Variants in CADM2 observed in about 807,000 individuals in gnomAD.
The protein encoded by CADM2 is cell adhesion molecule 2, also known as immunoglobulin superfamily member 4D.
A neutral mutation model predicts 49.8 loss-of-function variants in CADM2; 12 were observed. That is an observed-to-expected ratio of 0.24 (90% CI 0.15 to 0.39). The LOEUF (loss-of-function observed/expected upper bound fraction) is 0.39. Ranked by LOEUF, CADM2 falls within the 10% of genes least tolerant of loss-of-function variation. The pLI, the probability that CADM2 is intolerant of heterozygous loss-of-function variation, is 1.00. For synonymous variants in CADM2, 214 were observed against 175.4 expected (o/e 1.22, Z -1.74); for missense variants, 378 against 492.3 (o/e 0.77, Z 2.20).
intron 8 of CADM2, among the ~76,000 whole-genome samples, chr3:85,968,598 C>G (rs1322490842): frequency 3.3e-5 from 5 of 151,634 alleles, no homozygotes; most frequent in African/African-American, 1.2e-4. Flanking sequence ...AAAATATTTT[C>G]TCAACTTATT....
At chr3:85,134,412 G>A (rs2039352954) in intron 1 of CADM2, among the ~76,000 whole-genome samples, 1 of 152,248 alleles carries the variant, frequency 6.6e-6, no homozygotes, top group Non-Finnish European at 1.5e-5. Flanking sequence ...CTGCCAGCAC[G>A]CTGTCACCTC....
At chr3:86,055,475 TTTTTG>T (rs1737831835) in intron 8 of CADM2, among the ~76,000 whole-genome samples, 1 of 136,292 alleles carries the variant, frequency 7.3e-6, no homozygotes, top group African/African-American at 2.9e-5. Context: ...TTTTTTTTTT[TTTTTG>T]GTTTTAGAGG....
chr3:85,059,511 T>C (rs1007243539), intron 1 of CADM2, among the ~76,000 whole-genome samples: 5 of 152,090 alleles, frequency 3.3e-5, no homozygotes, highest in Non-Finnish European at 7.4e-5. Flanking sequence ...TGGTGACAAA[T>C]ACAGTCATGT....
At chr3:85,543,420 A>ATGTGTGTGGGGGTGGGGGTGTG (rs372108050) in intron 1 of CADM2, among the ~76,000 whole-genome samples, 1 of 129,584 alleles carries the variant, frequency 7.7e-6, no homozygotes, top group Non-Finnish European at 1.7e-5. Context: ...TGCCAAGCTA[A>ATGTGTGTGGGGGTGGGGGTGTG]TGTGTGTGTG....
chr3:85,156,351 C>T (rs2040122412), intron 1 of CADM2, among the ~76,000 whole-genome samples: 2 of 152,044 alleles, frequency 1.3e-5, no homozygotes, highest in Admixed American at 6.6e-5. Context: ...AACACCTCTA[C>T]ACAAATAAAC....
At chr3:85,049,920 A>G (rs2035816934) in intron 1 of CADM2, among the ~76,000 whole-genome samples, 1 of 152,100 alleles carries the variant, frequency 6.6e-6, no homozygotes, top group African/African-American at 2.4e-5. Flanking sequence ...ATTTAATAGA[A>G]GTTCCCCACT....
chr3:85,574,788 C>A (rs1188486303), intron 1 of CADM2, among the ~76,000 whole-genome samples: 1 of 152,114 alleles, frequency 6.6e-6, no homozygotes, highest in Non-Finnish European at 1.5e-5. Flanking sequence ...AGGACTCTAT[C>A]AGTGCGTTGA....
At chr3:84,970,711 T>C (rs887192230) in intron 1 of CADM2, among the ~76,000 whole-genome samples, 1 of 152,016 alleles carries the variant, frequency 6.6e-6, no homozygotes, top group Admixed American at 6.6e-5. Context: ...CTTTATACAG[T>C]TGGTATTAAG....
chr3:85,550,312 C>A (rs1468022594), intron 1 of CADM2, among the ~76,000 whole-genome samples: 3 of 152,146 alleles, frequency 2.0e-5, no homozygotes, highest in African/African-American at 7.2e-5. Flanking sequence ...TAAAAATTTG[C>A]TCAAGTATTT....
At chr3:85,928,158 ATTTTTT>A (rs11328574) in intron 6 of CADM2, among the ~76,000 whole-genome samples, 1 of 130,636 alleles carries the variant, frequency 7.7e-6, no homozygotes, top group Admixed American at 8.0e-5. Context: ...TAAAAGAAGA[ATTTTTT>A]TTTTTTTTTT....
At chr3:85,630,210 C>T (rs907775234) in intron 1 of CADM2, among the ~76,000 whole-genome samples, 20 of 152,096 alleles carry the variant, frequency 1.3e-4, no homozygotes, top group Non-Finnish European at 2.5e-4. Flanking sequence ...TTCAAATGTT[C>T]TCTGGTTTGA....
At chr3:85,557,019 G>A (rs1053673288) in intron 1 of CADM2, among the ~76,000 whole-genome samples, 2 of 151,990 alleles carry the variant, frequency 1.3e-5, no homozygotes, top group African/African-American at 2.4e-5. Context: ...TCACTTTGTG[G>A]TAACCTTGTG....
Position 85,772,080 on chromosome 3 carries a change from T to C in CADM2, c.89-29967T>C, listed in dbSNP as rs146608244. On this transcript the variant is annotated intron_variant, in intron 2 of 9. Transcript: ENST00000383699. ...AAGAATCTGTGCACCTCTGACACTA[T>C]TGGAAGCAAATGAAAATATCGTGGG... Among the ~76,000 whole-genome samples, 47 of 150,586 alleles carry C rather than the reference T, an allele frequency of 3.1e-4. No individual in the cohort carries two copies. In the East Asian group the frequency reaches 6.6e-3, roughly 21 times the overall value.
At chr3:85,826,641 A>G (rs2073926930) in intron 3 of CADM2, among the ~76,000 whole-genome samples, 1 of 151,928 alleles carries the variant, frequency 6.6e-6, no homozygotes, top group Admixed American at 6.6e-5. Context: ...GGGTTGGAGA[A>G]GAATAAACAT....
intron 8 of CADM2, chr3:86,014,560 A>G (rs1413720910): frequency 1.3e-6 from 2 of 1,593,340 alleles, no homozygotes; most frequent in Non-Finnish European, 1.7e-6. Flanking sequence ...AGTTACTATA[A>G]AGAAACACTA....
intron 1 of CADM2, among the ~76,000 whole-genome samples, chr3:85,522,399 C>A (rs1003150635): frequency 6.6e-6 from 1 of 152,006 alleles, no homozygotes; most frequent in Non-Finnish European, 1.5e-5. Context: ...TCATGCAGTT[C>A]GTCCCACAAA....
intron 2 of CADM2, among the ~76,000 whole-genome samples, chr3:85,785,345 C>G (rs1430804542): frequency 6.6e-6 from 1 of 151,934 alleles, no homozygotes; most frequent in Non-Finnish European, 1.5e-5. Flanking sequence ...TTTTCTACTT[C>G]TTTAGGAAAT....
intron 1 of CADM2, among the ~76,000 whole-genome samples, chr3:85,493,626 A>G (rs1421464946): frequency 1.3e-5 from 2 of 152,204 alleles, no homozygotes; most frequent in African/African-American, 4.8e-5. Context: ...TTATTCTACT[A>G]GAGTCCTAAC....
intron 8 of CADM2, among the ~76,000 whole-genome samples, chr3:86,029,341 A>T (rs1250302821): frequency 1.3e-5 from 2 of 152,090 alleles, no homozygotes; most frequent in African/African-American, 2.4e-5. Flanking sequence ...CAAAGTTAAT[A>T]AGAATCTGTC....
Sources: gnomAD v4.1 joint callset for allele counts (sites outside exome capture counted in the v4.1 genomes callset) on GRCh38, gnomAD v4.1.1 for gene constraint, MANE v1.5 for transcripts, NCBI Gene and HGNC (gene_info 2026-07-23, HGNC 2026-07-21) for gene names.